Variants in TTC6 observed in about 807,000 individuals in gnomAD.
The protein encoded by TTC6 is tetratricopeptide repeat domain 6.
Under a neutral mutation model 210.4 loss-of-function variants are expected in TTC6, and 172 were observed. The observed-to-expected ratio is 0.82, with a 90% CI of 0.72 to 0.93. The LOEUF (loss-of-function observed/expected upper bound fraction) is 0.93. Ranked by LOEUF, TTC6 falls within the 40% of genes least tolerant of loss-of-function variation. The pLI is 0.00. For synonymous variants in TTC6, 804 were observed against 819.6 expected, an observed-to-expected ratio of 0.98 and a Z score of 0.32; for missense variants, 2,414 against 2,318.1, an observed-to-expected ratio of 1.04 and a Z score of -0.85.
intron 27 of TTC6, among the ~76,000 whole-genome samples, chr14:37,825,427 G>T (rs1284321947): frequency 1.3e-5 from 2 of 151,982 alleles, no homozygotes; most frequent in African/African-American, 4.8e-5. Context: ...GCTCAGCTTG[G>T]TTAAAGTGAG....
intron 14 of TTC6, among the ~76,000 whole-genome samples, chr14:37,764,193 A>C (rs1275355440): frequency 6.6e-6 from 1 of 152,138 alleles, no homozygotes; most frequent in Non-Finnish European, 1.5e-5. Context: ...ATGGCCTAAC[A>C]TATGGTCTGT....
At chr14:37,634,821 G>A (rs1051697216) in intron 1 of TTC6, among the ~76,000 whole-genome samples, 1 of 152,162 alleles carries the variant, frequency 6.6e-6, no homozygotes, top group Admixed American at 6.5e-5. Context: ...CATTGACACA[G>A]CATTTTGAAA....
chr14:37,756,825 CT>C (rs1251700526), intron 14 of TTC6, among the ~76,000 whole-genome samples: 1 of 151,960 alleles, frequency 6.6e-6, no homozygotes, highest in African/African-American at 2.4e-5. Flanking sequence ...TTTGTTGTGT[CT>C]CTACCAGGTT....
intron 2 of TTC6, among the ~76,000 whole-genome samples, chr14:37,615,778 T>A (rs1334422255): frequency 6.6e-6 from 1 of 152,200 alleles, no homozygotes; most frequent in Non-Finnish European, 1.5e-5. Context: ...TTTTTATTAA[T>A]CTCTAGCATA....
At chr14:37,632,192 G>C (rs981686510) in intron 1 of TTC6, among the ~76,000 whole-genome samples, 7 of 152,152 alleles carry the variant, frequency 4.6e-5, no homozygotes, top group Non-Finnish European at 8.8e-5. Context: ...GAGGACAAGA[G>C]GCGTTCTGGT....
intron 14 of TTC6, among the ~76,000 whole-genome samples, chr14:37,776,349 T>C (rs1258566914): frequency 1.3e-5 from 2 of 152,186 alleles, no homozygotes. Context: ...TATTTGATCC[T>C]GTTATAATGT....
At chr14:37,688,255 T>G (rs2095797528) in intron 3 of TTC6, among the ~76,000 whole-genome samples, 1 of 152,148 alleles carries the variant, frequency 6.6e-6, no homozygotes, top group African/African-American at 2.4e-5. Flanking sequence ...CATTTTGTGG[T>G]TTGAGTGCCA....
intron 10 of TTC6, among the ~76,000 whole-genome samples, chr14:37,747,935 T>C (rs1274891334): frequency 6.6e-6 from 1 of 152,166 alleles, no homozygotes; most frequent in African/African-American, 2.4e-5. Context: ...TGTGGAATAT[T>C]TATGCTGGCA....
At chr14:37,731,849 T>G (rs557195080) in intron 7 of TTC6, among the ~76,000 whole-genome samples, 1 of 146,056 alleles carries the variant, frequency 6.8e-6, no homozygotes, top group African/African-American at 2.8e-5. Flanking sequence ...TACAGTTGGA[T>G]TTTTTTTGTT....
At chr14:37,723,119 C>T (rs1176046458) in intron 6 of TTC6, among the ~76,000 whole-genome samples, 1 of 152,072 alleles carries the variant, frequency 6.6e-6, no homozygotes, top group Non-Finnish European at 1.5e-5. Flanking sequence ...CAGATGGCTT[C>T]TATGTCTCTT....
At chr14:37,820,529 A>G (rs2096152924) in intron 26 of TTC6, among the ~76,000 whole-genome samples, 1 of 152,202 alleles carries the variant, frequency 6.6e-6, no homozygotes, top group Non-Finnish European at 1.5e-5. Context: ...TTCATAAACC[A>G]TATATTAGAA....
intron 7 of TTC6, among the ~76,000 whole-genome samples, chr14:37,731,082 C>A (rs1187358788): frequency 1.3e-5 from 2 of 152,144 alleles, no homozygotes; most frequent in Non-Finnish European, 2.9e-5. Context: ...ACCTCAAGCA[C>A]TGAATTAGTT....
chr14:37,773,348 G>A (rs907448691), intron 14 of TTC6, among the ~76,000 whole-genome samples: 1 of 152,140 alleles, frequency 6.6e-6, no homozygotes, highest in Non-Finnish European at 1.5e-5. Flanking sequence ...GCTAGGTCCT[G>A]TGTCCAGAAT....
At chr14:37,732,421 G>A (rs1034912968) in intron 7 of TTC6, among the ~76,000 whole-genome samples, 4 of 151,628 alleles carry the variant, frequency 2.6e-5, no homozygotes, top group African/African-American at 7.3e-5. Flanking sequence ...CTGACCTCGT[G>A]ATCTGCCCGC....
chr14:37,605,171 A>G (rs1201394058), intron 1 of TTC6, among the ~76,000 whole-genome samples: 1 of 152,208 alleles, frequency 6.6e-6, no homozygotes, highest in African/African-American at 2.4e-5. Flanking sequence ...GCTCAGATAT[A>G]GATATGTCTG....
rs1555383715 is a variant in TTC6 at position 37,653,528 on chromosome 14, A to AATACTTTGATGCAT, written c.940-26623_940-26622insATACTTTGATGCAT. 4.5e-3 allele frequency among the ~76,000 whole-genome samples: 688 copies of AATACTTTGATGCAT among 152,278 alleles called. 4 individuals carry two copies. Among genetic ancestry groups the AATACTTTGATGCAT allele is most frequent in the African/African-American group, 0.015 (635 of 41,554 alleles). Reference sequence around the variant, plus strand: ...TTAGCTTCTTACTTTGCATCAAAGTATTAATTCCTGCTAGCATGTTTCATG... The same window carrying AATACTTTGATGCAT: ...TTAGCTTCTTACTTTGCATCAAAGTAATACTTTGATGCATTTAATTCCTGCTAGCATGTTTCATG... On this transcript the variant is annotated intron_variant, in intron 1 of 30. Transcript: ENST00000553443.
Position 37,665,332 on chromosome 14 carries a change from A to G in TTC6, c.940-14819A>G, listed in dbSNP as rs550886209. ...ACTATGCAGCCATAAAAAGAATGAGATCATCTCCTTTGCAGGGACATGGAT... is the reference window on the plus strand; with the variant it reads ...ACTATGCAGCCATAAAAAGAATGAGGTCATCTCCTTTGCAGGGACATGGAT... On this transcript the variant is annotated intron_variant, in intron 1 of 30. Transcript: ENST00000553443. Among the ~76,000 whole-genome samples, 6 of 150,610 alleles carry G rather than the reference A, an allele frequency of 4.0e-5. No homozygotes were observed. In the East Asian group the frequency reaches 7.7e-4, roughly 19 times the overall value.
chr14:37,620,785 A>G (rs143604039), upstream of TTC6, among the ~76,000 whole-genome samples: 143 of 152,284 alleles, frequency 9.4e-4, no homozygotes, highest in African/African-American at 3.4e-3. Flanking sequence ...CAAAGTCCCT[A>G]TTTTTTGAAG....
chr14:37,812,273 C>A, intron 24 of TTC6, 41 bp from the exon 27 acceptor site: 1 of 1,593,672 alleles, frequency 6.3e-7, no homozygotes. Context: ...TGAATTCAGG[C>A]TCTAAAAAGT....
Sources: gnomAD v4.1 joint callset for allele counts (sites outside exome capture counted in the v4.1 genomes callset) on GRCh38, gnomAD v4.1.1 for gene constraint, MANE v1.5 for transcripts, NCBI Gene and HGNC (gene_info 2026-07-23, HGNC 2026-07-21) for gene names.